The following CDKL5 variants were observed in gnomAD, a reference collection of about 807,000 sequenced individuals.
The protein encoded by CDKL5 is cyclin-dependent kinase-like 5.
A neutral mutation model predicts 61.7 loss-of-function variants in CDKL5; 8 were observed. The observed-to-expected ratio is 0.13, with a 90% CI of 0.08 to 0.23. The LOEUF (loss-of-function observed/expected upper bound fraction) is 0.23. Ranked by LOEUF, CDKL5 falls within the 10% of genes least tolerant of loss-of-function variation. The probability of loss-of-function intolerance (pLI) is 1.00; values close to 1 mark genes in which losing one functional copy is unlikely to be tolerated. For missense variants in CDKL5, 440 were observed against 734.5 expected (o/e 0.60, Z 4.63); for synonymous variants, 275 against 272.3 (o/e 1.01, Z -0.10).
At chrX:18,475,965 G>A (rs75350195) in intron 1 of CDKL5, among the ~76,000 whole-genome samples, 2,395 of 111,765 alleles carry the variant, frequency 0.021, 51 homozygotes, top group African/African-American at 0.062. Context: ...AGTAACTTGT[G>A]TAACTCAAGA....
intron 1 of CDKL5, among the ~76,000 whole-genome samples, chrX:18,483,519 G>C (rs1236841785): frequency 9.0e-6 from 1 of 110,528 alleles, no homozygotes; most frequent in Non-Finnish European, 1.9e-5. Flanking sequence ...CCGGGTTCAA[G>C]CAATTCTCTG....
chrX:18,634,762 T>G lies in CDKL5; in HGVS notation c.*6005T>G. On this transcript the variant is annotated 3_prime_UTR_variant, in exon 18 of 18. Coordinates refer to ENST00000623535, the MANE Select transcript of CDKL5 (RefSeq NM_001323289.2). ...AAACAATTAAACCAAACAAAATCATTGCCCCAAATTTCTATCTCCAAGAAT... is the reference window on the plus strand; with the variant it reads ...AAACAATTAAACCAAACAAAATCATGGCCCCAAATTTCTATCTCCAAGAAT... The G allele has an allele frequency of 2.3e-5, 17 of 753,405 alleles. No homozygotes were observed. Among genetic ancestry groups the G allele is most frequent in the Non-Finnish European group, 2.5e-5 (16 of 639,030 alleles). The allele number at this position is 753,405 out of a possible 1,213,427, so 62.1% of individuals were successfully genotyped here.
chrX:18,474,003 G>A (rs933666835), intron 1 of CDKL5, among the ~76,000 whole-genome samples: 3 of 108,232 alleles, frequency 2.8e-5, no homozygotes, highest in Non-Finnish European at 5.7e-5. Flanking sequence ...TGAGTAGCTG[G>A]GATTACAGGC....
chrX:18,472,942 AGAATCTCTTCTAATTTTT>A (rs1921153270), intron 1 of CDKL5, among the ~76,000 whole-genome samples: 2 of 107,335 alleles, frequency 1.9e-5, no homozygotes, highest in African/African-American at 6.8e-5. Context: ...CTAGGGTTGG[AGAATCTCTTCTAATTTTT>A]TTTTTTTTTT....
chrX:18,600,041 G>A (rs1046561014), intron 11 of CDKL5, among the ~76,000 whole-genome samples: 1 of 111,199 alleles, frequency 9.0e-6, no homozygotes, highest in Non-Finnish European at 1.9e-5. Context: ...CAAGCGATTC[G>A]CCTGCCTCAG....
intron 3 of CDKL5, among the ~76,000 whole-genome samples, chrX:18,521,045 T>C (rs962895108): frequency 8.0e-5 from 9 of 112,330 alleles, no homozygotes; most frequent in Non-Finnish European, 1.1e-4. Context: ...GGCCACCTTA[T>C]TATTACTTTT....
At chrX:18,538,624 A>G in intron 3 of CDKL5, among the ~76,000 whole-genome samples, 1 of 111,845 alleles carries the variant, frequency 8.9e-6, no homozygotes. Context: ...ATAAAGGCCA[A>G]AGTTCTTTTT....
intron 1 of CDKL5, among the ~76,000 whole-genome samples, chrX:18,495,742 C>T (rs1221701307): frequency 1.8e-5 from 2 of 111,672 alleles, no homozygotes; most frequent in African/African-American, 3.3e-5. Flanking sequence ...CTTCTCATAG[C>T]CCTGGTGGCT....
intron 3 of CDKL5, among the ~76,000 whole-genome samples, chrX:18,547,922 A>G (rs1390635153): frequency 8.9e-6 from 1 of 112,001 alleles, no homozygotes; most frequent in African/African-American, 3.2e-5. Context: ...CTCTTCGGCC[A>G]GTTGTCATGA....
chrX:18,552,607 A>G (rs1343162084), intron 3 of CDKL5, among the ~76,000 whole-genome samples: 1 of 111,808 alleles, frequency 8.9e-6, no homozygotes, highest in African/African-American at 3.3e-5. Flanking sequence ...GTAAAGGTGG[A>G]ACTTTAATGC....
intron 3 of CDKL5, among the ~76,000 whole-genome samples, chrX:18,545,299 G>A (rs1924153188): frequency 9.0e-6 from 1 of 110,975 alleles, no homozygotes; most frequent in South Asian, 3.8e-4. Flanking sequence ...GTTGCTTAGG[G>A]CTCAATAAAA....
intron 1 of CDKL5, among the ~76,000 whole-genome samples, chrX:18,496,065 T>A (rs1429014110): frequency 8.9e-6 from 1 of 112,420 alleles, no homozygotes; most frequent in Admixed American, 9.4e-5. Flanking sequence ...TAACCATTGA[T>A]GATTGATCAT....
At chrX:18,431,466 G>C (rs1421905280) in intron 1 of CDKL5, among the ~76,000 whole-genome samples, 4 of 104,489 alleles carry the variant, frequency 3.8e-5, no homozygotes, top group African/African-American at 1.4e-4. Flanking sequence ...CTGTTGCTCA[G>C]GCTGGAGTGC....
Position 18,511,294 on chromosome X carries a change from G to A in CDKL5, c.99+440G>A, listed in dbSNP as rs1476696382. On this transcript the variant is annotated intron_variant, in intron 3 of 17. Transcript: ENST00000623535. Reference sequence around the variant, plus strand: ...TTATGAGGATGTTGTTTAATGAAGTGGAATTAATATGTGAATGCTGCCAGA... The same window carrying A: ...TTATGAGGATGTTGTTTAATGAAGTAGAATTAATATGTGAATGCTGCCAGA... Among the ~76,000 whole-genome samples the A allele has an allele frequency of 2.7e-5, 3 of 110,929 alleles. No individual in the cohort carries two copies. In the East Asian group the frequency reaches 8.5e-4, roughly 31 times the overall value.
intron 6 of CDKL5, among the ~76,000 whole-genome samples, chrX:18,581,292 C>T (rs981047576): frequency 1.8e-5 from 2 of 111,872 alleles, no homozygotes; most frequent in African/African-American, 6.5e-5. Flanking sequence ...ACTTAACTCC[C>T]ACCACATCTT....
chrX:18,650,000 GGCTACTA>G lies in CDKL5; in HGVS notation c.2798-406_2798-400del. On this transcript the variant is annotated intron_variant, in intron 20 of 21. Coordinates refer to the CDKL5 transcript ENST00000379989. ...CACCCGCCGCCGCCGCCCCGCTCAG[GGCTACTA>G]GCTCTGAGAGAGTAGGCAGAGGGGA... is the stretch of plus-strand genomic sequence containing the variant. The G allele has an allele frequency of 1.3e-5, 3 of 234,570 alleles. No individual in the cohort carries two copies. In the South Asian group the frequency reaches 1.6e-4, roughly 13 times the overall value. The allele number at this position is 234,570 out of a possible 1,213,427, so 19.3% of individuals were successfully genotyped here.
chrX:18,586,278 G>A (rs1245625224), intron 8 of CDKL5, among the ~76,000 whole-genome samples: 2 of 111,559 alleles, frequency 1.8e-5, no homozygotes, highest in Non-Finnish European at 3.8e-5. Flanking sequence ...GGGATGCATA[G>A]TCCATTTTCT....
intron 2 of CDKL5, among the ~76,000 whole-genome samples, chrX:18,509,197 G>GCACA (rs60516677): frequency 0.11 from 6,905 of 64,157 alleles, 486 homozygotes; most frequent in Non-Finnish European, 0.12. Context: ...CTCAAAACAC[G>GCACA]CACACACACA....
chrX:18,554,633 C>A (rs1924534010), intron 3 of CDKL5, among the ~76,000 whole-genome samples: 1 of 110,271 alleles, frequency 9.1e-6, no homozygotes, highest in Admixed American at 9.7e-5. Context: ...CCAGGCTGGT[C>A]TCGAACTCCT....
Sources: allele counts gnomAD v4.1 joint callset (sites outside exome capture counted in the v4.1 genomes callset), GRCh38; gene constraint gnomAD v4.1.1; transcripts MANE v1.5; gene names NCBI Gene and HGNC (gene_info 2026-07-23, HGNC 2026-07-21).